The following TMEM30A variants were observed in gnomAD, a reference collection of about 807,000 sequenced individuals.
TMEM30A encodes the protein cell cycle control protein 50A.
A neutral mutation model predicts 38.2 loss-of-function variants in TMEM30A; 24 were observed. That is an observed-to-expected ratio of 0.63 (90% CI 0.46 to 0.88). TMEM30A has a LOEUF of 0.88. Among genes scored for constraint, TMEM30A ranks in the 40% least tolerant of loss-of-function variants. TMEM30A has a pLI of 0.00. For missense variants in TMEM30A, 370 were observed against 458.6 expected (o/e 0.81, Z 1.77); for synonymous variants, 145 against 161.6 (o/e 0.90, Z 0.78).
chr6:75,259,236 G>A, intron 5 of TMEM30A, 111 bp downstream of exon 5: 1 of 1,240,052 alleles, frequency 8.1e-7, no homozygotes, highest in Non-Finnish European at 1.1e-6. Context: ...GCTGAGGAAA[G>A]AAAAATTGTG....
At chr6:75,275,390 C>G (rs530660256) in intron 1 of TMEM30A, among the ~76,000 whole-genome samples, 66 of 152,272 alleles carry the variant, frequency 4.3e-4, no homozygotes, top group African/African-American at 1.5e-3. Flanking sequence ...TGTTTGCCTA[C>G]TCATTATTCC....
chr6:75,284,327 G>A (rs1772418608), intron 1 of TMEM30A, 75 bp downstream of exon 1: 4 of 1,421,410 alleles, frequency 2.8e-6, no homozygotes, highest in Middle Eastern at 1.8e-4. Flanking sequence ...CTGGGCGCTG[G>A]GAAAGAAGTG....
intron 1 of TMEM30A, among the ~76,000 whole-genome samples, chr6:75,268,637 AG>A (rs1772108247): frequency 6.6e-6 from 1 of 152,218 alleles, no homozygotes; most frequent in Non-Finnish European, 1.5e-5. Flanking sequence ...TGTGTCTTCT[AG>A]GACCCCCTCT....
At chr6:75,273,609 C>T (rs1442164797) in intron 1 of TMEM30A, among the ~76,000 whole-genome samples, 1 of 152,060 alleles carries the variant, frequency 6.6e-6, no homozygotes. Context: ...AGACTACATC[C>T]CTGACTGGGG....
Position 75,258,761 on chromosome 6 carries a change from C to A in TMEM30A, c.892+19G>T, listed in dbSNP as rs746469821. 5 of 1,611,056 alleles carry A rather than the reference C, an allele frequency of 3.1e-6. No individual in the cohort carries two copies. The highest frequency in any genetic ancestry group is 1.3e-5 in the African/African-American group (1 of 74,940). On this transcript the variant is annotated intron_variant, in intron 6 of 6. Coordinates refer to ENST00000230461, the MANE Select transcript of TMEM30A (RefSeq NM_018247.4). ...CTTTCAAGCTCTATGAATCTGTATA[C>A]CCAGCCAAAAAAGGATACTGTATGT...
intron 6 of TMEM30A, among the ~76,000 whole-genome samples, chr6:75,257,278 CT>C (rs1464409648): frequency 2.0e-5 from 3 of 152,150 alleles, no homozygotes; most frequent in Non-Finnish European, 2.9e-5. Context: ...TCATTCTAGT[CT>C]TTAGTTCCCA....
Position 75,256,215 on chromosome 6 carries a change from A to T in TMEM30A, c.973T>A (p.Leu325Met). 1 of 1,613,674 alleles carries T rather than the reference A, an allele frequency of 6.2e-7. No individual in the cohort carries two copies. Among genetic ancestry groups the T allele is most frequent in the Middle Eastern group, 1.6e-4 (1 of 6,062 alleles). The change falls in exon 7 of 7, where the codon TTG becomes ATG. Residue 325 changes from leucine (L) to methionine (M), a missense_variant. Leu to Met is a conservative substitution (Grantham distance 15). Coordinates refer to ENST00000230461, the MANE Select transcript of TMEM30A (RefSeq NM_018247.4). The part of the protein sequence containing the change: ...ISWMGGKNPF[L>M]GIAYIAVGSI... The stretch of plus-strand genomic sequence containing the variant: ...CCAACAGCGATGTAAGCAATCCCCA[A>T]AAATGGATTTTTTCCTCCCATCCAT...
rs747034391 is a variant in TMEM30A at position 75,259,362 on chromosome 6, C to G, written c.670G>C (p.Glu224Gln). The G allele has an allele frequency of 1.2e-6, 2 of 1,612,016 alleles. No homozygotes were observed. The highest frequency in any genetic ancestry group is 1.7e-6 in the Non-Finnish European group (2 of 1,179,312). Residue 224 changes from glutamate (E) to glutamine (Q), a missense_variant, in exon 5 of 7, where the codon GAA becomes CAA. By Grantham distance (29) the Glu-to-Gln change is conservative (BLOSUM62 2). Transcript: ENST00000230461. The part of the protein sequence containing the change: ...FRNPPGGDNL[E>Q]ERFKGTTKPV... ...AATGTTTTACCTTTAAATCGTTCTT[C>G]CAGGTTGTCTCCTCCAGGGGGATTT...
rs1432768264 is a variant in TMEM30A, at chr6:75,284,740, G to GCCGCCC, written c.-103_-102insGGGCGG. The GCCGCCC allele has an allele frequency of 7.2e-4, 851 of 1,176,406 alleles. 1 individual carries two copies. Among genetic ancestry groups the GCCGCCC allele is most frequent in the Non-Finnish European group, 9.1e-4 (731 of 802,220 alleles). The allele number at this position is 1,176,406 out of a possible 1,614,324, so 72.9% of individuals were successfully genotyped here. On this transcript the variant is annotated 5_prime_UTR_variant, in exon 1 of 7. Coordinates refer to ENST00000230461, the MANE Select transcript of TMEM30A (RefSeq NM_018247.4). The stretch of plus-strand genomic sequence containing the variant: ...CTCGAGCGCCGCTGCCGCCGCCGCC[G>GCCGCCC]CCGCAGCCACCAGCGCCACCGCCAC...
chr6:75,267,121 T>C (rs1384475735), intron 2 of TMEM30A, among the ~76,000 whole-genome samples: 2 of 152,168 alleles, frequency 1.3e-5, no homozygotes, highest in Admixed American at 1.3e-4. Context: ...GTATTCAGAA[T>C]GGCAGTGTAA....
chr6:75,269,625 G>T (rs1772132794), intron 1 of TMEM30A, among the ~76,000 whole-genome samples: 1 of 152,160 alleles, frequency 6.6e-6, no homozygotes, highest in Non-Finnish European at 1.5e-5. Context: ...TTTTTGTGTG[G>T]ACATTAGTTT....
At chr6:75,279,446 TC>T (rs1772319072) in intron 1 of TMEM30A, among the ~76,000 whole-genome samples, 1 of 152,102 alleles carries the variant, frequency 6.6e-6, no homozygotes, top group South Asian at 2.1e-4. Context: ...AGCACATAGT[TC>T]CTATCTTTAG....
intron 1 of TMEM30A, 113 bp downstream of exon 1, chr6:75,284,289 G>C (rs1772418090): frequency 3.0e-6 from 3 of 994,374 alleles, no homozygotes; most frequent in Non-Finnish European, 4.7e-6. Context: ...GGTGGTGGAC[G>C]GCGCGAGGTC....
Position 75,255,159 on chromosome 6 carries a change from A to C in TMEM30A, c.*943T>G, listed in dbSNP as rs1771847982. ...TCTGGAATATTAGTACTTAAGTCAA[A>C]ACACTTACCTGCAGAATAAAAACAG... is the stretch of plus-strand genomic sequence containing the variant. On this transcript the variant is annotated 3_prime_UTR_variant, in exon 7 of 7. Coordinates refer to ENST00000230461, the MANE Select transcript of TMEM30A (RefSeq NM_018247.4). 1 of 152,558 alleles carries C rather than the reference A, an allele frequency of 6.6e-6. No individual in the cohort carries two copies. The highest frequency in any genetic ancestry group is 2.4e-5 in the African/African-American group (1 of 41,450). The allele number at this position is 152,558 out of a possible 1,614,324, so 9.5% of individuals were successfully genotyped here.
Position 75,284,551 on chromosome 6 carries a change from T to A in TMEM30A, c.88A>T (p.Asn30Tyr). 1 of 1,612,992 alleles carries A rather than the reference T, an allele frequency of 6.2e-7. No homozygotes were observed. ...AGCCGTTGCTGTTTGAAGGCCGTGTTATCCGGTCTCCGAGTCTTCGCGGTG... is the reference window on the plus strand; with the variant it reads ...AGCCGTTGCTGTTTGAAGGCCGTGTAATCCGGTCTCCGAGTCTTCGCGGTG... ...GGTAKTRRPDNTAFKQQRLPA... is the reference protein window; with the variant it reads ...GGTAKTRRPDYTAFKQQRLPA... The change falls in exon 1 of 7, where the codon AAC becomes TAC. Residue 30 changes from asparagine to tyrosine, a missense_variant. Transcript: ENST00000230461.
chr6:75,266,729 T>A (rs987261949), intron 2 of TMEM30A, among the ~76,000 whole-genome samples: 2 of 152,230 alleles, frequency 1.3e-5, no homozygotes, highest in Non-Finnish European at 2.9e-5. Context: ...TATTGTATCT[T>A]TATTGTCTGC....
chr6:75,269,659 G>C (rs190739568), intron 1 of TMEM30A, among the ~76,000 whole-genome samples: 1 of 152,206 alleles, frequency 6.6e-6, no homozygotes, highest in East Asian at 1.9e-4. Context: ...CTAAATACAA[G>C]GTATGCAATT....
At chr6:75,269,476 T>C (rs192012102) in intron 1 of TMEM30A, among the ~76,000 whole-genome samples, 10 of 152,364 alleles carry the variant, frequency 6.6e-5, no homozygotes, top group Admixed American at 3.3e-4. Flanking sequence ...GGTTCATAGT[T>C]CATTTATTTT....
intron 5 of TMEM30A, 133 bp from the exon 6 acceptor site, chr6:75,259,119 A>G (rs1771920219): frequency 2.3e-6 from 2 of 857,586 alleles, no homozygotes; most frequent in East Asian, 5.3e-5. Context: ...TTAAAATATT[A>G]TAGCTGAAAT....
Sources: allele counts gnomAD v4.1 joint callset (sites outside exome capture counted in the v4.1 genomes callset), GRCh38; gene constraint gnomAD v4.1.1; transcripts MANE v1.5; gene names NCBI Gene and HGNC (gene_info 2026-07-23, HGNC 2026-07-21).